The following CCDC178 variants were observed in gnomAD, a reference collection of about 807,000 sequenced individuals.
The protein encoded by CCDC178 is coiled-coil domain containing 178, also known as coiled-coil domain-containing protein 178.
CCDC178 carries 126 observed loss-of-function variants against 117.4 expected under a neutral mutation model. The ratio of observed to expected loss-of-function variants is 1.07; its 90% CI spans 0.93 to 1.24. The LOEUF is 1.24. CCDC178 is among the 50% of genes most tolerant of loss of function. The probability of loss-of-function intolerance (pLI) is 0.00; values close to 1 mark genes in which losing one functional copy is unlikely to be tolerated. For missense variants in CCDC178, 1,030 were observed against 986.9 expected (o/e 1.04, Z -0.59); for synonymous variants, 283 against 313.4 (o/e 0.90, Z 1.02).
intron 20 of CCDC178, among the ~76,000 whole-genome samples, chr18:33,181,524 G>A (rs906787429): frequency 6.6e-6 from 1 of 151,902 alleles, no homozygotes; most frequent in African/African-American, 2.4e-5. Context: ...TGAAATGCAT[G>A]CAAACATGTG....
rs149683095 is a variant in CCDC178 at position 33,301,599 on chromosome 18, C to A, written c.1023-8287G>T. On this transcript the variant is annotated intron_variant, in intron 11 of 22. Coordinates refer to ENST00000383096, the MANE Select transcript of CCDC178 (RefSeq NM_001105528.4). ...CTGTCAAGGTCTTAAAAACTGACCCCTTCCAGTGTGTGCTCGATGTGGGAC... is the reference window on the plus strand; with the variant it reads ...CTGTCAAGGTCTTAAAAACTGACCCATTCCAGTGTGTGCTCGATGTGGGAC... Among the ~76,000 whole-genome samples the A allele has an allele frequency of 6.5e-3, 993 of 152,328 alleles. 6 individuals are homozygous for A. The highest frequency in any genetic ancestry group is 0.015 in the South Asian group (70 of 4,826).
chr18:33,168,453 T>C (rs533183003), intron 20 of CCDC178, among the ~76,000 whole-genome samples: 19 of 152,320 alleles, frequency 1.2e-4, no homozygotes, highest in African/African-American at 4.6e-4. Flanking sequence ...GTGTCTGTCT[T>C]TGTAGCAGTA....
chr18:33,305,240 A>G (rs1216040527), intron 11 of CCDC178, among the ~76,000 whole-genome samples: 2 of 152,216 alleles, frequency 1.3e-5, no homozygotes, highest in Non-Finnish European at 2.9e-5. Context: ...CCAGCAAAGG[A>G]CATGCATTAG....
At chr18:33,356,219 G>T in intron 7 of CCDC178, 105 bp downstream of exon 7, 1 of 1,153,970 alleles carries the variant, frequency 8.7e-7, no homozygotes, top group Non-Finnish European at 1.2e-6. Flanking sequence ...GAAAAATCTT[G>T]CATTCGATTT....
intron 11 of CCDC178, among the ~76,000 whole-genome samples, chr18:33,295,461 A>G (rs2062095056): frequency 6.6e-6 from 1 of 152,160 alleles, no homozygotes. Flanking sequence ...AGAAAAATTA[A>G]GAACTTCTGC....
chr18:33,403,145 G>A (rs1248341755), intron 3 of CCDC178, among the ~76,000 whole-genome samples: 1 of 152,176 alleles, frequency 6.6e-6, no homozygotes, highest in Non-Finnish European at 1.5e-5. Flanking sequence ...GACTCTGCAT[G>A]TGCCAGAAGG....
At chr18:33,030,522 A>AAGATAGATAGATAGATAGATACATAGAT (rs1555630246) in intron 21 of CCDC178, among the ~76,000 whole-genome samples, 161 of 140,874 alleles carry the variant, frequency 1.1e-3, no homozygotes, top group African/African-American at 4.4e-3. Flanking sequence ...GAACTGATAG[A>AAGATAGATAGATAGATAGATACATAGAT]AGATAGATAG....
At chr18:33,044,776 G>C (rs1434617399) in intron 21 of CCDC178, among the ~76,000 whole-genome samples, 1 of 152,140 alleles carries the variant, frequency 6.6e-6, no homozygotes, top group Admixed American at 6.5e-5. Flanking sequence ...TCCATCATCA[G>C]ATGACTGGAT....
At chr18:33,319,785 G>C (rs1167744204) in intron 11 of CCDC178, among the ~76,000 whole-genome samples, 2 of 152,108 alleles carry the variant, frequency 1.3e-5, no homozygotes, top group Non-Finnish European at 2.9e-5. Context: ...TTCTCTGATG[G>C]CCAGTGATGA....
chr18:33,049,496 C>T lies in CCDC178; in HGVS notation c.2388+43265G>A, dbSNP rs376040201. ...TTTTGTTTAAATTTTTATCACTTTA[C>T]ATTATATCAAGATAATTTCCATGAC... On this transcript the variant is annotated intron_variant, in intron 21 of 22. Coordinates refer to ENST00000383096, the MANE Select transcript of CCDC178 (RefSeq NM_001105528.4). Among the ~76,000 whole-genome samples the T allele has an allele frequency of 5.9e-5, 9 of 151,820 alleles. No individual in the cohort carries two copies. The East Asian group carries it at 1.5e-3, about 26-fold the overall frequency.
chr18:33,323,780 T>G, intron 10 of CCDC178, 147 bp from the exon 11 acceptor site: 1 of 455,480 alleles, frequency 2.2e-6, no homozygotes, highest in Non-Finnish European at 3.6e-6. Context: ...TAAGTGGAAT[T>G]TCAGCCCTGA....
chr18:33,337,518 G>C (rs569260218), intron 9 of CCDC178, among the ~76,000 whole-genome samples: 2 of 151,978 alleles, frequency 1.3e-5, no homozygotes, highest in East Asian at 3.9e-4. Flanking sequence ...ACTTTTCTCT[G>C]TTCAGCACAA....
At chr18:33,349,179 T>C (rs1313575435) in intron 7 of CCDC178, among the ~76,000 whole-genome samples, 2 of 151,850 alleles carry the variant, frequency 1.3e-5, no homozygotes, top group African/African-American at 4.8e-5. Flanking sequence ...AAACTTAAAA[T>C]TAGTTACAAA....
At chr18:32,940,851 T>C (rs2054223142) in intron 22 of CCDC178, among the ~76,000 whole-genome samples, 1 of 152,108 alleles carries the variant, frequency 6.6e-6, no homozygotes, top group Admixed American at 6.6e-5. Flanking sequence ...AGAATCAACC[T>C]CCCTTTCTAA....
chr18:33,264,992 G>A (rs150402489), intron 14 of CCDC178, among the ~76,000 whole-genome samples: 234 of 152,052 alleles, frequency 1.5e-3, no homozygotes, highest in African/African-American at 5.3e-3. Flanking sequence ...TTAGATCACC[G>A]ACTCTTCAGA....
intron 20 of CCDC178, among the ~76,000 whole-genome samples, chr18:33,148,188 G>A (rs1041478234): frequency 3.3e-5 from 5 of 152,250 alleles, no homozygotes; most frequent in Non-Finnish European, 5.9e-5. Context: ...TCGGGAGGCC[G>A]AGGCTGGCAG....
chr18:32,964,260 G>A (rs1429513942), intron 22 of CCDC178, among the ~76,000 whole-genome samples: 2 of 151,936 alleles, frequency 1.3e-5, no homozygotes, highest in Admixed American at 1.3e-4. Context: ...TAATTTGGAT[G>A]TTTTAACTAA....
At chr18:33,363,986 G>A (rs930299197) in intron 6 of CCDC178, among the ~76,000 whole-genome samples, 3 of 152,022 alleles carry the variant, frequency 2.0e-5, no homozygotes, top group East Asian at 1.9e-4. Context: ...TTTGGTCAGC[G>A]GGACTTCAGC....
At chr18:33,422,810 T>A (rs796180266) in intron 2 of CCDC178, among the ~76,000 whole-genome samples, 21 of 152,306 alleles carry the variant, frequency 1.4e-4, no homozygotes, top group African/African-American at 4.6e-4. Flanking sequence ...CTGTTTATAA[T>A]CCTACAGATT....
Sources: allele counts gnomAD v4.1 joint callset (sites outside exome capture counted in the v4.1 genomes callset), GRCh38; gene constraint gnomAD v4.1.1; transcripts MANE v1.5; gene names NCBI Gene and HGNC (gene_info 2026-07-23, HGNC 2026-07-21).